Variants in ALDH3B1 observed in about 807,000 individuals in gnomAD.
The protein encoded by ALDH3B1 is aldehyde dehydrogenase 3 family member B1, also known as aldehyde dehydrogenase family 3 member B1.
A neutral mutation model predicts 46.2 loss-of-function variants in ALDH3B1; 37 were observed. The ratio of observed to expected loss-of-function variants is 0.80; its 90% CI spans 0.62 to 1.05. The LOEUF (loss-of-function observed/expected upper bound fraction) is 1.05. ALDH3B1 is among the 50% of genes least tolerant of loss of function. The probability of loss-of-function intolerance (pLI) is 0.00; values close to 1 mark genes in which losing one functional copy is unlikely to be tolerated. For missense variants in ALDH3B1, 603 were observed against 665.5 expected, an observed-to-expected ratio of 0.91 and a Z score of 1.03; for synonymous variants, 283 against 281.0, an observed-to-expected ratio of 1.01 and a Z score of -0.07.
At chr11:68,025,874 T>C (rs1172118813) in intron 8 of ALDH3B1, 135 bp from the exon 9 acceptor site, 9 of 545,488 alleles carry the variant, frequency 1.6e-5, no homozygotes, top group Non-Finnish European at 2.8e-5. Flanking sequence ...TCACAGGCCC[T>C]TCAGCTGACA....
chr11:68,019,049 T>C, intron 4 of ALDH3B1, 121 bp from the exon 5 acceptor site: 2 of 1,452,940 alleles, frequency 1.4e-6, no homozygotes, highest in Non-Finnish European at 1.9e-6. Flanking sequence ...GCCCGTCATG[T>C]TACCTCTCTG....
chr11:68,019,246 C>T lies in ALDH3B1; in HGVS notation c.471C>T (p.Tyr157=), dbSNP rs776073423. ...TCCTGGCCGAGGTGCTGCCCCAATA[C>T]GTGGACCAGGTGAGCAGGGCTGCCG... is the stretch of plus-strand genomic sequence containing the variant. ...EKILAEVLPQ[Y]VDQSCFAVVL... The change falls in exon 5 of 10, where the codon TAC becomes TAT. Residue 157 remains tyrosine (Y), a synonymous_variant. Transcript: ENST00000342456. 16 of 1,612,756 alleles carry T rather than the reference C, an allele frequency of 9.9e-6. No individual in the cohort carries two copies. The highest frequency in any genetic ancestry group is 3.3e-5 in the Admixed American group (2 of 59,860).
intron 8 of ALDH3B1, chr11:68,024,261 A>G (rs925011053): frequency 2.6e-5 from 4 of 152,208 alleles, no homozygotes; most frequent in Admixed American, 2.6e-4. Context: ...GGGGCACCTG[A>G]GATGCACACG....
At chr11:68,008,918 G>A (rs748529059), upstream of ALDH3B1, among the ~76,000 whole-genome samples, 7 of 152,246 alleles carry the variant, frequency 4.6e-5, no homozygotes, top group East Asian at 3.9e-4. Flanking sequence ...CCCACAGCAC[G>A]CTGGCTCTGA....
At chr11:68,020,528 C>A (rs1236516480) in intron 6 of ALDH3B1, among the ~76,000 whole-genome samples, 2 of 152,232 alleles carry the variant, frequency 1.3e-5, no homozygotes, top group Non-Finnish European at 2.9e-5. Context: ...AGCCACCACA[C>A]CCGGCTTCGA....
chr11:68,015,955 A>C (rs2134384603), intron 2 of ALDH3B1: 2 of 273,660 alleles, frequency 7.3e-6, no homozygotes, highest in East Asian at 1.1e-4. Context: ...AATCCCAGCT[A>C]CTCAGGAGGC....
chr11:68,019,747 G>A lies in ALDH3B1; in HGVS notation c.513G>A (p.Gln171=), dbSNP rs750375695. 5.6e-5 allele frequency: 91 copies of A among 1,614,070 alleles called. No homozygotes were observed. Among genetic ancestry groups the A allele is most frequent in the Non-Finnish European group, 7.4e-5 (87 of 1,180,000 alleles). ...TTGCTGTGGTGCTGGGCGGGCCCCA[G>A]GAGACGGGGCAGCTGCTAGAGCACA... ...SCFAVVLGGP[Q]ETGQLLEHRF... The change falls in exon 6 of 10, where the codon CAG becomes CAA. Residue 171 remains glutamine (Q), a synonymous_variant. Transcript: ENST00000342456.
Position 68,018,835 on chromosome 11 carries a change from GC to G in ALDH3B1, c.339del (p.Trp114GlyfsTer5). The G allele has an allele frequency of 6.4e-7, 1 of 1,565,486 alleles. No individual in the cohort carries two copies. On this transcript the variant is annotated frameshift_variant, in exon 4 of 10. Coordinates refer to ENST00000342456, the MANE Select transcript of ALDH3B1 (RefSeq NM_000694.4). LOFTEE classifies it high-confidence loss of function. ...EPFGLVLIIA[P>X]WNYPLNLTLV... is the part of the protein sequence containing the mutation. The stretch of plus-strand genomic sequence containing the variant: ...CCTTTGGCCTGGTCCTCATCATTGC[GC>G]CCTGGAACTATCCGCTGAACCTGAC...
At chr11:68,019,315 C>T in intron 5 of ALDH3B1, 60 bp downstream of exon 5, 2 of 1,493,754 alleles carry the variant, frequency 1.3e-6, no homozygotes, top group Non-Finnish European at 1.8e-6. Context: ...GCTGGGCAGC[C>T]CCTGGCATGG....
chr11:68,019,779 A>T lies in ALDH3B1; in HGVS notation c.545A>T (p.Asp182Val). ...GGGCAGCTGCTAGAGCACAGGTTCG[A>T]CTACATCTTCTTCACAGGTGAGGCC... ...ETGQLLEHRF[D>V]YIFFTGSPRV... The change falls in exon 6 of 10, where the codon GAC (aspartate) becomes GTC (valine). Residue 182 changes from aspartate to valine, a missense_variant. Physicochemically the swap from Asp to Val is radical, Grantham distance 152 (BLOSUM62 -3). Transcript: ENST00000342456. 1 of 1,614,046 alleles carries T rather than the reference A, an allele frequency of 6.2e-7. No homozygotes were observed. Among genetic ancestry groups the T allele is most frequent in the South Asian group, 1.1e-5 (1 of 91,070 alleles).
intron 8 of ALDH3B1, among the ~76,000 whole-genome samples, chr11:68,023,055 G>T (rs1233642407): frequency 6.6e-6 from 1 of 152,066 alleles, no homozygotes; most frequent in Non-Finnish European, 1.5e-5. Context: ...CTTACACATC[G>T]GGGCCTGGTG....
rs760656298 is a variant in ALDH3B1, at chr11:68,015,380, C to T, written c.83C>T (p.Ala28Val). 20 of 1,552,570 alleles carry T rather than the reference C, an allele frequency of 1.3e-5. No individual in the cohort carries two copies. The highest frequency in any genetic ancestry group is 1.1e-4 in the South Asian group (9 of 84,148). ...ACGCGGCCAGCTGAGTTCCGGGCTG[C>T]GCAGCTCCAAGGCCTGGGCCGCTTC... Reference protein sequence around the residue: ...GRTRPAEFRAAQLQGLGRFLQ... With the variant: ...GRTRPAEFRAVQLQGLGRFLQ... The change falls in exon 2 of 10, where the codon GCG (alanine) becomes GTG (valine). Residue 28 changes from alanine (A) to valine (V), a missense_variant. Coordinates refer to ENST00000342456, the MANE Select transcript of ALDH3B1 (RefSeq NM_000694.4).
At chr11:68,022,369 CTG>C (rs1857520886) in intron 7 of ALDH3B1, among the ~76,000 whole-genome samples, 1 of 152,102 alleles carries the variant, frequency 6.6e-6, no homozygotes. Context: ...GGGGGATTCT[CTG>C]TGTCCCACAG....
Position 68,027,949 on chromosome 11 carries a change from C to A in ALDH3B1, c.*10C>A. The A allele has an allele frequency of 6.4e-7, 1 of 1,552,556 alleles. No individual in the cohort carries two copies. The stretch of plus-strand genomic sequence containing the variant: ...CTGCACACTGCTCTGAGCCCTTCCC[C>A]AGGCCCAGGCTGTAGACCACCATGA... On this transcript the variant is annotated 3_prime_UTR_variant, in exon 10 of 10. Transcript: ENST00000342456.
At chr11:68,023,046 T>A (rs998478983) in intron 8 of ALDH3B1, among the ~76,000 whole-genome samples, 1 of 152,172 alleles carries the variant, frequency 6.6e-6, no homozygotes, top group Admixed American at 6.5e-5. Context: ...TTTGTCCTTC[T>A]TACACATCGG....
At position 68,011,676 on chromosome 11, in the gene ALDH3B1, G is replaced by T. The variant is rs183536019; in HGVS notation, c.-2+1284G>T. Reference sequence around the variant, plus strand: ...GGCTGCCCTGATGGGGGTCCCCCAGGCCCTCTACCCACCATGTTCAGTCCC... The same window carrying T: ...GGCTGCCCTGATGGGGGTCCCCCAGTCCCTCTACCCACCATGTTCAGTCCC... On this transcript the variant is annotated intron_variant, in intron 1 of 9. Transcript: ENST00000342456. 1.5e-3 allele frequency among the ~76,000 whole-genome samples: 226 copies of T among 152,272 alleles called. 1 individual carries two copies. The highest frequency in any genetic ancestry group is 2.6e-3 in the Non-Finnish European group (178 of 68,006).
chr11:68,019,369 T>G, intron 5 of ALDH3B1, 114 bp downstream of exon 5: 3 of 911,596 alleles, frequency 3.3e-6, no homozygotes, highest in Non-Finnish European at 5.1e-6. Flanking sequence ...CAATCCTGCC[T>G]CTTCTGAGTT....
chr11:68,021,002 G>A (rs1298015464), intron 6 of ALDH3B1, among the ~76,000 whole-genome samples: 1 of 152,048 alleles, frequency 6.6e-6, no homozygotes, highest in Non-Finnish European at 1.5e-5. Flanking sequence ...CCACCTCAAG[G>A]GTCAGAAAAA....
At chr11:68,018,991 G>T in intron 4 of ALDH3B1, 98 bp downstream of exon 4, 1 of 1,486,912 alleles carries the variant, frequency 6.7e-7, no homozygotes, top group South Asian at 1.3e-5. Context: ...TGGCCCAGGT[G>T]GCAAAGAGGA....
Sources: allele counts gnomAD v4.1 joint callset (sites outside exome capture counted in the v4.1 genomes callset), GRCh38; gene constraint gnomAD v4.1.1; transcripts MANE v1.5; gene names NCBI Gene and HGNC (gene_info 2026-07-23, HGNC 2026-07-21).